The following PLEKHA1 variants were observed in gnomAD, a reference collection of about 807,000 sequenced individuals.
PLEKHA1 encodes pleckstrin homology domain-containing family A member 1.
Under a neutral mutation model 52.0 loss-of-function variants are expected in PLEKHA1, and 34 were observed. The observed-to-expected ratio is 0.65, with a 90% CI of 0.50 to 0.87. The LOEUF is 0.87. Ranked by LOEUF, PLEKHA1 falls within the 40% of genes least tolerant of loss-of-function variation. The pLI is 0.00. For missense variants in PLEKHA1, 497 were observed against 504.2 expected, an observed-to-expected ratio of 0.99 and a Z score of 0.14; for synonymous variants, 163 against 170.7, an observed-to-expected ratio of 0.95 and a Z score of 0.35.
chr10:122,398,025 T>C (rs1477135162), intron 3 of PLEKHA1, 51 bp downstream of exon 3: 2 of 1,442,166 alleles, frequency 1.4e-6, no homozygotes, highest in Non-Finnish European at 1.9e-6. Context: ...TCCCTGTGAA[T>C]GAGAGTATGA....
intron 2 of PLEKHA1, among the ~76,000 whole-genome samples, chr10:122,396,302 A>G (rs2096848423): frequency 6.6e-6 from 1 of 152,112 alleles, no homozygotes; most frequent in Non-Finnish European, 1.5e-5. Context: ...GTAGTTAGAG[A>G]TTCTTGAAGA....
intron 1 of PLEKHA1, among the ~76,000 whole-genome samples, chr10:122,391,226 C>G (rs2133961306): frequency 6.6e-6 from 1 of 150,456 alleles, no homozygotes; most frequent in Non-Finnish European, 1.5e-5. Flanking sequence ...TTCTTTCCTT[C>G]TATAGATTTT....
chr10:122,406,186 T>G (rs140770590), intron 4 of PLEKHA1, among the ~76,000 whole-genome samples: 44 of 152,340 alleles, frequency 2.9e-4, no homozygotes, highest in Non-Finnish European at 6.0e-4. Context: ...ATAAAAAGTT[T>G]AAATGTCAAT....
rs1483084545 is a variant in PLEKHA1, at chr10:122,406,649, G to A, written c.318G>A (p.Val106=). The change falls in exon 5 of 12, where the codon GTG becomes GTA. Residue 106 remains valine, a synonymous_variant. Coordinates refer to ENST00000368990, the MANE Select transcript of PLEKHA1 (RefSeq NM_001001974.4). ...AGGACCTAGTGGAATGGGTAAATGT[G>A]TTAAACAAAGCTATAAAAATTACAG... is the stretch of plus-strand genomic sequence containing the variant. ...DQQDLVEWVN[V]LNKAIKITVP... The A allele has an allele frequency of 1.2e-6, 2 of 1,610,216 alleles. No homozygotes were observed. The highest frequency in any genetic ancestry group is 1.7e-6 in the Non-Finnish European group (2 of 1,176,830).
At position 122,393,354 on chromosome 10, in the gene PLEKHA1, C is replaced by G; in HGVS notation, c.141+13C>G. 1 of 1,581,724 alleles carries G rather than the reference C, an allele frequency of 6.3e-7. No individual in the cohort carries two copies. The highest frequency in any genetic ancestry group is 1.2e-5 in the South Asian group (1 of 83,630). On this transcript the variant is annotated intron_variant, in intron 2 of 11. Coordinates refer to ENST00000368990, the MANE Select transcript of PLEKHA1 (RefSeq NM_001001974.4). The surrounding 1 kb of genome is among the most constrained non-coding windows in gnomAD (Gnocchi z 4.5). The stretch of plus-strand genomic sequence containing the variant: ...GGATAATCCACAGGTTTGTAAAATC[C>G]CAAGGATTATCTTTTAAAAGCACAG...
intron 1 of PLEKHA1, among the ~76,000 whole-genome samples, chr10:122,386,067 C>A (rs887597109): frequency 1.4e-4 from 21 of 152,160 alleles, no homozygotes; most frequent in African/African-American, 4.1e-4. Context: ...AAACTGTTTT[C>A]CAAAGTTGCT....
In PLEKHA1 at chr10:122,399,307, A is replaced by G. The variant is rs116977187; in HGVS notation, c.199-1036A>G. 8.5e-3 allele frequency among the ~76,000 whole-genome samples: 1,293 copies of G among 152,294 alleles called. 15 individuals are homozygous for G. Among genetic ancestry groups the G allele is most frequent in the Middle Eastern group, 0.014 (4 of 294 alleles). On this transcript the variant is annotated intron_variant, in intron 3 of 11. Coordinates refer to ENST00000368990, the MANE Select transcript of PLEKHA1 (RefSeq NM_001001974.4). ...AACGGATGCTACAATTATAAGTTCT[A>G]TCACTGGACAACAGCATGGCAATAG...
At chr10:122,398,291 CTG>C (rs1184224155) in intron 3 of PLEKHA1, among the ~76,000 whole-genome samples, 3 of 150,000 alleles carry the variant, frequency 2.0e-5, no homozygotes, top group African/African-American at 7.4e-5. Flanking sequence ...TTTTCTAAGT[CTG>C]TATTATGTTT....
chr10:122,429,989 A>T lies in PLEKHA1; in HGVS notation c.*51A>T. ...CCTCTGCCGTCCTCAGTTTCCTTTCATGAGGCTTCTAGCCAAAGATGATAA... is the reference window on the plus strand; with the variant it reads ...CCTCTGCCGTCCTCAGTTTCCTTTCTTGAGGCTTCTAGCCAAAGATGATAA... On this transcript the variant is annotated 3_prime_UTR_variant, in exon 12 of 12. Transcript: ENST00000368990. 6.5e-7 allele frequency: 1 copy of T among 1,541,618 alleles called. No homozygotes were observed. The highest frequency in any genetic ancestry group is 8.8e-7 in the Non-Finnish European group (1 of 1,142,340).
At chr10:122,422,164 T>C (rs1344847020) in intron 8 of PLEKHA1, 1 of 152,150 alleles carries the variant, frequency 6.6e-6, no homozygotes, top group African/African-American at 2.4e-5. Context: ...AGGAAAAATA[T>C]TTCCTTAGAG....
intron 2 of PLEKHA1, among the ~76,000 whole-genome samples, chr10:122,395,494 G>A (rs34783530): frequency 0.15 from 22,135 of 151,678 alleles, 1,762 homozygotes; most frequent in Middle Eastern, 0.2. Flanking sequence ...TCTTTATCAA[G>A]GTTATTATGT....
At chr10:122,428,544 A>G (rs1387848571) in intron 11 of PLEKHA1, 4 of 874,638 alleles carry the variant, frequency 4.6e-6, no homozygotes, top group Middle Eastern at 4.0e-4. Context: ...AAAACATACA[A>G]CTTTACTAAC....
chr10:122,415,084 AACAACTGGTCATCCATCCAT>A (rs1188092142), intron 6 of PLEKHA1, among the ~76,000 whole-genome samples: 1 of 152,150 alleles, frequency 6.6e-6, no homozygotes, highest in Non-Finnish European at 1.5e-5. Context: ...TGAACAGTTA[AACAACTGGTCATCCATCCAT>A]ACCATGGAAA....
At chr10:122,427,709 A>C (rs1590959862) in intron 11 of PLEKHA1, among the ~76,000 whole-genome samples, 1 of 152,212 alleles carries the variant, frequency 6.6e-6, no homozygotes, top group African/African-American at 2.4e-5. Context: ...GTTCAAGTAC[A>C]TAAGAATTAG....
At chr10:122,412,437 A>C (rs1043425053) in intron 5 of PLEKHA1, 1 of 152,994 alleles carries the variant, frequency 6.5e-6, no homozygotes, top group African/African-American at 2.4e-5. Context: ...CCACAATCCC[A>C]GAATCATGGG....
At chr10:122,378,234 A>G (rs926044626) in intron 1 of PLEKHA1, among the ~76,000 whole-genome samples, 1 of 152,160 alleles carries the variant, frequency 6.6e-6, no homozygotes, top group Non-Finnish European at 1.5e-5. Context: ...GTTCCCTCCC[A>G]TTATTAAGGA....
At chr10:122,387,348 C>A (rs1182007953) in intron 1 of PLEKHA1, 1 of 151,992 alleles carries the variant, frequency 6.6e-6, no homozygotes, top group Admixed American at 6.6e-5. Flanking sequence ...TAAAATTTTT[C>A]ATTTAGTTAA....
intron 1 of PLEKHA1, among the ~76,000 whole-genome samples, chr10:122,379,759 A>G (rs1408663414): frequency 6.6e-6 from 1 of 152,172 alleles, no homozygotes; most frequent in Non-Finnish European, 1.5e-5. Flanking sequence ...GACTAGTCCC[A>G]CTCGACATGT....
At chr10:122,380,380 C>A (rs1224870696) in intron 1 of PLEKHA1, among the ~76,000 whole-genome samples, 1 of 152,176 alleles carries the variant, frequency 6.6e-6, no homozygotes, top group African/African-American at 2.4e-5. Flanking sequence ...TAAACTGTAT[C>A]ATTCATTAGA....
Sources: allele counts gnomAD v4.1 joint callset (sites outside exome capture counted in the v4.1 genomes callset), GRCh38; gene constraint gnomAD v4.1.1; non-coding constraint Gnocchi (gnomAD v3.1); transcripts MANE v1.5; gene names NCBI Gene and HGNC (gene_info 2026-07-23, HGNC 2026-07-21).